Variants in MRC1 observed in about 807,000 individuals in gnomAD.
The protein encoded by MRC1 is macrophage mannose receptor 1.
A neutral mutation model predicts 102.9 loss-of-function variants in MRC1; 62 were observed. The ratio of observed to expected loss-of-function variants is 0.60; its 90% confidence interval spans 0.49 to 0.74. The LOEUF (loss-of-function observed/expected upper bound fraction) is 0.74. Ranked by LOEUF, MRC1 falls within the 30% of genes least tolerant of loss-of-function variation. MRC1 has a pLI of 0.00. For missense variants in MRC1, 1,237 were observed against 862.8 expected (o/e 1.43, Z -5.43); for synonymous variants, 457 against 298.4 (o/e 1.53, Z -5.48).
At chr10:17,811,552 G>T (rs1323747373) in intron 1 of MRC1, among the ~76,000 whole-genome samples, 1 of 151,770 alleles carries the variant, frequency 6.6e-6, no homozygotes, top group Non-Finnish European at 1.5e-5. Flanking sequence ...CTACGTGAAA[G>T]CCTGTAATTT....
chr10:17,872,094 A>T lies in MRC1; in HGVS notation c.2312A>T (p.His771Leu), dbSNP rs1176814092. 8 of 780,514 alleles carry T rather than the reference A, an allele frequency of 1.0e-5. No homozygotes were observed. Among genetic ancestry groups the T allele is most frequent in the Non-Finnish European group, 1.7e-5 (7 of 417,806 alleles). 48.3% of individuals were successfully genotyped at this position (780,514 alleles called of 1,614,324 possible). A position where few individuals can be genotyped will look rare whatever the true frequency, so the allele number is the denominator to read the frequency against. ...TMSWNDINCE[H>L]LNNWICQIQK... ...TCTTGGAATGATATTAATTGTGAACACCTTAACAACTGGATTTGCCAGATA... is the reference window on the plus strand; with the variant it reads ...TCTTGGAATGATATTAATTGTGAACTCCTTAACAACTGGATTTGCCAGATA... The change falls in exon 15 of 30, where the codon CAC becomes CTC. Residue 771 changes from histidine to leucine, a missense_variant. Physicochemically the swap from His to Leu is moderately conservative, Grantham distance 99. Transcript: ENST00000569591.
intron 4 of MRC1, 112 bp from the exon 5 acceptor site, chr10:17,840,578 ATTG>A: frequency 4.1e-6 from 3 of 728,780 alleles, no homozygotes. Context: ...AGGCATGATT[ATTG>A]TTACTTCCCT....
intron 21 of MRC1, among the ~76,000 whole-genome samples, chr10:17,883,310 G>A (rs1564623328): frequency 6.6e-6 from 1 of 152,044 alleles, no homozygotes; most frequent in East Asian, 1.9e-4. Context: ...AAATTTTTTT[G>A]TAGAGAGAGG....
intron 1 of MRC1, among the ~76,000 whole-genome samples, chr10:17,812,292 A>G (rs1451798706): frequency 1.3e-5 from 2 of 152,064 alleles, no homozygotes; most frequent in Non-Finnish European, 2.9e-5. Context: ...TTGGGTTATA[A>G]TCATGGTAGA....
intron 6 of MRC1, among the ~76,000 whole-genome samples, chr10:17,846,864 C>A (rs1838833298): frequency 6.6e-6 from 1 of 152,140 alleles, no homozygotes; most frequent in Non-Finnish European, 1.5e-5. Flanking sequence ...TACTTCCAAT[C>A]TTTTATTAAT....
Position 17,879,691 on chromosome 10 carries a change from G to A in MRC1, c.2619-30G>A, listed in dbSNP as rs539414969. On this transcript the variant is annotated intron_variant, in intron 18 of 29. Coordinates refer to ENST00000569591, the MANE Select transcript of MRC1 (RefSeq NM_002438.4). ...ATCCAATTAGTCTAATGATTGGATC[G>A]TTTCAAAATGCCTGAATTTTCTTTT... is the stretch of plus-strand genomic sequence containing the variant. 4.3e-4 allele frequency: 337 copies of A among 780,758 alleles called. 2 individuals are homozygous for A. In the East Asian group the frequency reaches 6.6e-3, roughly 15 times the overall value. 48.4% of individuals were successfully genotyped at this position (780,758 alleles called of 1,614,324 possible). A position where few individuals can be genotyped will look rare whatever the true frequency, so the allele number is the denominator to read the frequency against.
At position 17,820,212 on chromosome 10, in the gene MRC1, T is replaced by A. The variant is rs1008484278; in HGVS notation, c.62-2862T>A. Among the ~76,000 whole-genome samples, 447 of 152,278 alleles carry A rather than the reference T, an allele frequency of 2.9e-3. 3 individuals carry two copies. Among genetic ancestry groups the A allele is most frequent in the African/African-American group, 0.01 (429 of 41,556 alleles). On this transcript the variant is annotated intron_variant, in intron 1 of 29. Transcript: ENST00000569591. ...ATCTGGGTGCCAAGACCCAGCCACG[T>A]TGACACATAAAATTAACCACTGCAG... is the stretch of plus-strand genomic sequence containing the variant.
rs1286074763 is a variant in MRC1 at position 17,881,343 on chromosome 10, T to TA, written c.2980+163dup. On this transcript the variant is annotated intron_variant, in intron 21 of 29. Coordinates refer to ENST00000569591, the MANE Select transcript of MRC1 (RefSeq NM_002438.4). ...TATTGAAAACTATTTTATTCCATTA[T>TA]AGCACGTATTAAGCTGTTTATTTTA... Among the ~76,000 whole-genome samples, 289 of 152,354 alleles carry TA rather than the reference T, an allele frequency of 1.9e-3. 1 individual carries two copies. Among genetic ancestry groups the TA allele is most frequent in the African/African-American group, 6.6e-3 (276 of 41,578 alleles).
intron 7 of MRC1, among the ~76,000 whole-genome samples, chr10:17,851,056 G>A (rs996701462): frequency 2.6e-5 from 4 of 152,176 alleles, no homozygotes; most frequent in African/African-American, 9.7e-5. Context: ...TAAATTTAGT[G>A]TGGCACTTAT....
intron 24 of MRC1, among the ~76,000 whole-genome samples, chr10:17,900,097 CA>C (rs1156472499): frequency 0.012 from 1,253 of 106,806 alleles, 9 homozygotes; most frequent in Middle Eastern, 0.028. Context: ...AGACTTCTCT[CA>C]AAAAAAAAAA....
At chr10:17,871,602 A>G (rs901725939) in intron 14 of MRC1, among the ~76,000 whole-genome samples, 2,673 of 152,330 alleles carry the variant, frequency 0.018, 82 homozygotes, top group African/African-American at 0.061. Context: ...AAAACTTCCA[A>G]TAACGCACTG....
intron 22 of MRC1, among the ~76,000 whole-genome samples, chr10:17,889,669 A>T (rs2130703338): frequency 6.6e-6 from 1 of 152,332 alleles, no homozygotes. Context: ...ATAAGAAAGC[A>T]TCTCCTATTT....
At position 17,832,107 on chromosome 10, in the gene MRC1, C is replaced by CA. The variant is rs1432168242; in HGVS notation, c.638-1567dup. Among the ~76,000 whole-genome samples, 202 of 151,712 alleles carry CA rather than the reference C, an allele frequency of 1.3e-3. 1 individual carries two copies. Among genetic ancestry groups the CA allele is most frequent in the Admixed American group, 3.1e-3 (48 of 15,284 alleles). On this transcript the variant is annotated intron_variant, in intron 3 of 29. Coordinates refer to ENST00000569591, the MANE Select transcript of MRC1 (RefSeq NM_002438.4). The stretch of plus-strand genomic sequence containing the variant: ...AGCGATAGGACCTCAGGTGCAGGCC[C>CA]AGGCCAGTCTGTCTGCAGGAGTCCG...
intron 8 of MRC1, among the ~76,000 whole-genome samples, chr10:17,856,003 T>C (rs1833085462): frequency 6.6e-6 from 1 of 151,894 alleles, no homozygotes; most frequent in Non-Finnish European, 1.5e-5. Flanking sequence ...ACCCCATCTC[T>C]ACTAAAAATA....
At chr10:17,878,642 AG>A (rs1833470093) in intron 18 of MRC1, among the ~76,000 whole-genome samples, 2 of 152,088 alleles carry the variant, frequency 1.3e-5, no homozygotes, top group Non-Finnish European at 2.9e-5. Context: ...TGAGCAATAG[AG>A]ACCTAAATTC....
intron 3 of MRC1, among the ~76,000 whole-genome samples, chr10:17,829,349 T>C (rs1838533278): frequency 6.6e-6 from 1 of 151,514 alleles, no homozygotes; most frequent in African/African-American, 2.5e-5. Context: ...TCCCTAATTA[T>C]CACACTAAAA....
intron 3 of MRC1, 125 bp from the exon 4 acceptor site, chr10:17,833,550 A>T (rs1589169139): frequency 1.1e-5 from 8 of 704,132 alleles, no homozygotes; most frequent in South Asian, 6.4e-5. Context: ...AGAAAGGGGG[A>T]AAAAAAGAAA....
intron 21 of MRC1, among the ~76,000 whole-genome samples, chr10:17,883,850 A>G (rs1554842613): frequency 6.6e-6 from 1 of 152,222 alleles, no homozygotes; most frequent in Admixed American, 6.5e-5. Flanking sequence ...GGGGAGGGGC[A>G]CATGTACAAT....
Position 17,828,891 on chromosome 10 carries a change from C to A in MRC1, c.637+1176C>A, listed in dbSNP as rs533227616. On this transcript the variant is annotated intron_variant, in intron 3 of 29. Transcript: ENST00000569591. Reference sequence around the variant, plus strand: ...ACATTTTAGGTGGAGTGGAGGAGGGCGTCATGTTGAAGGCAGAGCTGGGGC... The same window carrying A: ...ACATTTTAGGTGGAGTGGAGGAGGGAGTCATGTTGAAGGCAGAGCTGGGGC... Among the ~76,000 whole-genome samples the A allele has an allele frequency of 4.6e-5, 7 of 151,442 alleles. No homozygotes were observed. The South Asian group carries it at 1.0e-3, about 22-fold the overall frequency.
Sources: gnomAD v4.1 joint callset for allele counts (sites outside exome capture counted in the v4.1 genomes callset) on GRCh38, gnomAD v4.1.1 for gene constraint, MANE v1.5 for transcripts, NCBI Gene and HGNC (gene_info 2026-07-23, HGNC 2026-07-21) for gene names.